SLC8A1: variants seen among roughly 807,000 people sequenced by gnomAD.
The protein encoded by SLC8A1 is solute carrier family 8 member A1, also known as sodium/calcium exchanger 1.
A neutral mutation model predicts 68.3 loss-of-function variants in SLC8A1; 18 were observed. The observed-to-expected ratio is 0.26, with a 90% confidence interval of 0.18 to 0.39. The LOEUF (loss-of-function observed/expected upper bound fraction) is 0.39, where lower values mean the gene tolerates loss of function less well. Ranked by LOEUF, SLC8A1 falls within the 10% of genes least tolerant of loss-of-function variation. SLC8A1 has a pLI of 1.00. For missense variants in SLC8A1, 985 were observed against 1,156.7 expected (o/e 0.85, Z 2.15); for synonymous variants, 475 against 415.5 (o/e 1.14, Z -1.74).
At chr2:40,105,614 A>G (rs1409080876) in exon 8 of SLC8A1, 1 of 152,184 alleles carries the variant, frequency 6.6e-6, no homozygotes, top group Non-Finnish European at 1.5e-5. Flanking sequence ...TGCTACTTTC[A>G]GTTTTGTAAA....
chr2:40,324,459 A>G (rs1320382797), intron 2 of SLC8A1, among the ~76,000 whole-genome samples: 1 of 152,158 alleles, frequency 6.6e-6, no homozygotes, highest in African/African-American at 2.4e-5. Context: ...AGGATCAAAC[A>G]TTCCATTTCT....
chr2:40,263,718 G>A (rs1343342323), intron 2 of SLC8A1, among the ~76,000 whole-genome samples: 1 of 151,660 alleles, frequency 6.6e-6, no homozygotes, highest in Non-Finnish European at 1.5e-5. Context: ...AATTCAAGAT[G>A]GATTAAAGAC....
At chr2:40,177,926 G>C in intron 2 of SLC8A1, 2 of 988,712 alleles carry the variant, frequency 2.0e-6, no homozygotes, top group South Asian at 1.4e-5. Context: ...TGTCCACCAA[G>C]CTGAATGTTA....
chr2:40,279,213 A>G (rs1388799981), intron 2 of SLC8A1, among the ~76,000 whole-genome samples: 1 of 152,210 alleles, frequency 6.6e-6, no homozygotes, highest in East Asian at 1.9e-4. Flanking sequence ...ACTGCTATTA[A>G]TATCACTTTC....
In SLC8A1 at chr2:40,379,087, T is replaced by C. The variant is rs73926641; in HGVS notation, c.1808+49386A>G. On this transcript the variant is annotated intron_variant, in intron 2 of 7. Coordinates refer to ENST00000406785, the Ensembl canonical transcript of SLC8A1. ...TTCCAGAATAGCATCTGGCTCATAA[T>C]AGATGCCATTTTAATAATTTTTTAG... 2.5e-3 allele frequency among the ~76,000 whole-genome samples: 381 copies of C among 152,260 alleles called. 3 individuals are homozygous for C. The highest frequency in any genetic ancestry group is 8.7e-3 in the African/African-American group (360 of 41,568).
Position 40,224,538 on chromosome 2 carries a change from T to C in SLC8A1, c.1809-46683A>G, listed in dbSNP as rs77069158. The stretch of plus-strand genomic sequence containing the variant: ...AGGTTCACACACCTCATCTGATCCA[T>C]GGTTACCATGGCTGTGCAGCTCCAT... On this transcript the variant is annotated intron_variant, in intron 2 of 7. Coordinates refer to ENST00000406785, the Ensembl canonical transcript of SLC8A1. 4.8e-3 allele frequency among the ~76,000 whole-genome samples: 733 copies of C among 152,212 alleles called. 11 individuals are homozygous for C. Among genetic ancestry groups the C allele is most frequent in the East Asian group, 0.037 (193 of 5,150 alleles).
chr2:40,164,729 C>T, intron 5 of SLC8A1, 125 bp downstream of exon 8: 1 of 1,315,286 alleles, frequency 7.6e-7, no homozygotes, highest in Non-Finnish European at 1.0e-6. Context: ...TCTCAATTCA[C>T]AAGCCAGTTC....
chr2:40,226,134 G>A (rs959877280), intron 2 of SLC8A1, among the ~76,000 whole-genome samples: 10 of 151,996 alleles, frequency 6.6e-5, no homozygotes, highest in African/African-American at 2.2e-4. Context: ...CCTAAAAGTC[G>A]GGCCTTGCTG....
chr2:40,361,005 C>T lies in SLC8A1; in HGVS notation c.1808+67468G>A, dbSNP rs114698078. Reference sequence around the variant, plus strand: ...GATCTCATTCCATGAAAAGAGCAAACTTACCCTGAGTCTTTAAATGTCCAC... The same window carrying T: ...GATCTCATTCCATGAAAAGAGCAAATTTACCCTGAGTCTTTAAATGTCCAC... On this transcript the variant is annotated intron_variant, in intron 2 of 7. Transcript: ENST00000406785. 7.9e-3 allele frequency among the ~76,000 whole-genome samples: 1,166 copies of T among 147,684 alleles called. 8 individuals carry two copies. The highest frequency in any genetic ancestry group is 0.027 in the African/African-American group (1,099 of 40,118).
chr2:40,150,423 G>A (rs1466272731), intron 6 of SLC8A1, among the ~76,000 whole-genome samples: 2 of 152,154 alleles, frequency 1.3e-5, no homozygotes, highest in Non-Finnish European at 2.9e-5. Flanking sequence ...AGGCTGCAAT[G>A]TTTCCCCTAC....
intron 1 of SLC8A1, among the ~76,000 whole-genome samples, chr2:40,510,814 A>G (rs140033276): frequency 1.3e-5 from 2 of 152,322 alleles, no homozygotes; most frequent in Non-Finnish European, 2.9e-5. Flanking sequence ...AAATAGGCAT[A>G]TAAAAGAATA....
At chr2:40,508,756 T>C (rs1250487178) in intron 1 of SLC8A1, among the ~76,000 whole-genome samples, 2 of 152,196 alleles carry the variant, frequency 1.3e-5, no homozygotes, top group Admixed American at 1.3e-4. Context: ...TTTTTCCTAA[T>C]CTTCAGCTGT....
At chr2:40,441,178 T>G (rs911590735) in intron 1 of SLC8A1, among the ~76,000 whole-genome samples, 2 of 152,048 alleles carry the variant, frequency 1.3e-5, no homozygotes, top group African/African-American at 2.4e-5. Context: ...CCATTCACAA[T>G]TGCTATAAAA....
chr2:40,282,401 T>A (rs972998644), intron 2 of SLC8A1, among the ~76,000 whole-genome samples: 7 of 152,186 alleles, frequency 4.6e-5, no homozygotes, highest in Non-Finnish European at 7.3e-5. Context: ...CTCTTCTGTA[T>A]CTCTGTATTA....
chr2:40,415,367 C>T (rs1420276202), intron 2 of SLC8A1, among the ~76,000 whole-genome samples: 2 of 151,844 alleles, frequency 1.3e-5, no homozygotes, highest in Non-Finnish European at 2.9e-5. Context: ...ATCTACTTCA[C>T]CTGTAACTAC....
At position 40,152,109 on chromosome 2, in the gene SLC8A1, G is replaced by T. The variant is rs574433823; in HGVS notation, c.2161+8656C>A. Among the ~76,000 whole-genome samples, 26 of 152,204 alleles carry T rather than the reference G, an allele frequency of 1.7e-4. 1 individual carries two copies. Among genetic ancestry groups the T allele is most frequent in the East Asian group, 7.7e-4 (4 of 5,172 alleles). On this transcript the variant is annotated intron_variant, in intron 6 of 7. Transcript: ENST00000406785. ...ACACTTTAACATGTATTCTAAGGTA[G>T]GTATTGCATCTTGATTAAAGTTAGA... is the stretch of plus-strand genomic sequence containing the variant.
intron 1 of SLC8A1, among the ~76,000 whole-genome samples, chr2:40,476,493 ATGAC>A (rs1407624802): frequency 3.9e-5 from 6 of 152,238 alleles, no homozygotes; most frequent in African/African-American, 1.4e-4. Flanking sequence ...GGGAAATAGA[ATGAC>A]TGAGAGGATG....
At chr2:40,189,617 T>G (rs2051369859) in intron 2 of SLC8A1, among the ~76,000 whole-genome samples, 1 of 152,156 alleles carries the variant, frequency 6.6e-6, no homozygotes, top group South Asian at 2.1e-4. Flanking sequence ...CCTGGCCCAT[T>G]TTCCTGCATA....
chr2:40,452,279 G>C (rs1702658057), upstream of SLC8A1, among the ~76,000 whole-genome samples: 1 of 151,532 alleles, frequency 6.6e-6, no homozygotes, highest in Admixed American at 6.6e-5. Flanking sequence ...CCCCCTGCGC[G>C]CCCCTTGGGC....
Sources: gnomAD v4.1 joint callset for allele counts (sites outside exome capture counted in the v4.1 genomes callset) on GRCh38, gnomAD v4.1.1 for gene constraint, MANE v1.5 for transcripts, NCBI Gene and HGNC (gene_info 2026-07-23, HGNC 2026-07-21) for gene names.